ENPP1: variants seen among roughly 807,000 people sequenced by gnomAD.
ENPP1 encodes ectonucleotide pyrophosphatase/phosphodiesterase family member 1.
In ENPP1, 73 loss-of-function variants were observed where a neutral mutation model predicts 122.8. The ratio of observed to expected loss-of-function variants is 0.59; its 90% CI spans 0.49 to 0.72. The LOEUF (loss-of-function observed/expected upper bound fraction) is 0.72, where lower values mean the gene tolerates loss of function less well. Ranked by LOEUF, ENPP1 falls within the 30% of genes least tolerant of loss-of-function variation. The pLI is 0.00. For missense variants in ENPP1, 978 were observed against 1,128.1 expected (o/e 0.87, Z 1.91); for synonymous variants, 367 against 391.6 (o/e 0.94, Z 0.74).
At chr6:131,861,740 T>C in intron 9 of ENPP1, 36 bp downstream of exon 9, 1 of 1,110,804 alleles carries the variant, frequency 9.0e-7, no homozygotes, top group Non-Finnish European at 1.4e-6. Flanking sequence ...ATCTGTAATA[T>C]AGAACAGCTT....
chr6:131,874,440 A>G, intron 16 of ENPP1, 103 bp downstream of exon 16: 1 of 711,222 alleles, frequency 1.4e-6, no homozygotes, highest in African/African-American at 1.9e-5. Flanking sequence ...TTGAATGAGA[A>G]TTAATGGAAC....
chr6:131,818,595 C>A (rs1312353562), intron 1 of ENPP1, among the ~76,000 whole-genome samples: 1 of 151,538 alleles, frequency 6.6e-6, no homozygotes, highest in Non-Finnish European at 1.5e-5. Flanking sequence ...TTGCAGTGAG[C>A]CGAGATCGTG....
intron 7 of ENPP1, among the ~76,000 whole-genome samples, chr6:131,859,519 G>A (rs1199683311): frequency 1.3e-5 from 2 of 151,888 alleles, no homozygotes; most frequent in African/African-American, 2.4e-5. Context: ...CCAAGTAGCT[G>A]GGACTACAGG....
intron 13 of ENPP1, 140 bp from the exon 14 acceptor site, chr6:131,871,930 A>G (rs1782167166): frequency 1.4e-6 from 1 of 694,994 alleles, no homozygotes. Context: ...AGTGGCTACA[A>G]TGTAATGACT....
chr6:131,873,160 T>C, intron 15 of ENPP1, 110 bp downstream of exon 15: 2 of 1,221,104 alleles, frequency 1.6e-6, no homozygotes, highest in Admixed American at 3.4e-5. Flanking sequence ...ATAAGTATGA[T>C]TCTCTTCACT....
intron 24 of ENPP1, among the ~76,000 whole-genome samples, chr6:131,889,700 CTTAAG>C (rs755354620): frequency 6.6e-6 from 1 of 152,110 alleles, no homozygotes; most frequent in African/African-American, 2.4e-5. Context: ...TTGTTGGGCA[CTTAAG>C]TTGATTCCAT....
chr6:131,845,151 G>C (rs562221002), intron 1 of ENPP1, among the ~76,000 whole-genome samples: 1 of 126,936 alleles, frequency 7.9e-6, no homozygotes, highest in Non-Finnish European at 1.6e-5. Context: ...CTCTGCCTCA[G>C]CCTCCCAAGT....
Position 131,852,222 on chromosome 6 carries a change from C to A in ENPP1, c.604C>A (p.Gln202Lys). 1 of 1,602,180 alleles carries A rather than the reference C, an allele frequency of 6.2e-7. No homozygotes were observed. The highest frequency in any genetic ancestry group is 1.1e-5 in the South Asian group (1 of 90,916). Residue 202 changes from glutamine (Q) to lysine (K), a missense_variant, in exon 5 of 25, where the codon CAG becomes AAG. Physicochemically the swap from Gln to Lys is moderately conservative, Grantham distance 53. Coordinates refer to ENST00000647893, the MANE Select transcript of ENPP1 (RefSeq NM_006208.3). ...EEPCESINEP[Q>K]CPAGFETPPT... ...ACCATGTGAGAGCATTAATGAGCCA[C>A]AGTGCCCAGCAGGGTAAGATTATAT...
chr6:131,819,964 T>A, intron 1 of ENPP1: 1 of 551,124 alleles, frequency 1.8e-6, no homozygotes, highest in Non-Finnish European at 3.4e-6. Context: ...CGCATCTTGC[T>A]GAAGCAGAGT....
chr6:131,838,402 A>C (rs1003327211), intron 1 of ENPP1, among the ~76,000 whole-genome samples: 2 of 152,184 alleles, frequency 1.3e-5, no homozygotes, highest in East Asian at 3.8e-4. Context: ...AGAATCTAAA[A>C]GATGTACTTT....
chr6:131,847,870 TG>T (rs767080019), intron 2 of ENPP1, 22 bp downstream of exon 2: 2 of 1,422,742 alleles, frequency 1.4e-6, no homozygotes, highest in Non-Finnish European at 2.0e-6. Context: ...TGTGTGTGTG[TG>T]TGTGTGTGTG....
intron 1 of ENPP1, among the ~76,000 whole-genome samples, chr6:131,836,608 A>G (rs1191947232): frequency 6.6e-6 from 1 of 152,196 alleles, no homozygotes; most frequent in Non-Finnish European, 1.5e-5. Flanking sequence ...TTTTAAATGC[A>G]CGAGATTCAT....
chr6:131,867,909 T>C, intron 11 of ENPP1, 109 bp from the exon 12 acceptor site: 1 of 789,366 alleles, frequency 1.3e-6, no homozygotes, highest in Admixed American at 2.1e-5. Context: ...CTGTCTTTCT[T>C]TCTTTCTTTG....
intron 1 of ENPP1, among the ~76,000 whole-genome samples, chr6:131,841,054 G>A (rs926977824): frequency 1.9e-4 from 29 of 152,262 alleles, no homozygotes; most frequent in Admixed American, 9.2e-4. Flanking sequence ...TAAATCTAGC[G>A]TAACTAAAAT....
chr6:131,869,075 G>A (rs1222070530), intron 12 of ENPP1, among the ~76,000 whole-genome samples: 3 of 151,970 alleles, frequency 2.0e-5, no homozygotes, highest in African/African-American at 4.8e-5. Flanking sequence ...TTTCACATTC[G>A]GTCTAAAAAT....
intron 1 of ENPP1, among the ~76,000 whole-genome samples, chr6:131,831,297 G>C (rs929657364): frequency 6.6e-6 from 1 of 152,012 alleles, no homozygotes; most frequent in African/African-American, 2.4e-5. Context: ...TGTGAAGCTT[G>C]TGCAGAGTTC....
At chr6:131,862,773 G>A (rs1373967588) in intron 9 of ENPP1, among the ~76,000 whole-genome samples, 1 of 152,214 alleles carries the variant, frequency 6.6e-6, no homozygotes, top group Non-Finnish European at 1.5e-5. Context: ...ATTCCCAGGA[G>A]CAATTTGGGG....
At chr6:131,866,469 CT>C (rs773704563) in intron 11 of ENPP1, among the ~76,000 whole-genome samples, 42 of 152,178 alleles carry the variant, frequency 2.8e-4, no homozygotes, top group Non-Finnish European at 5.3e-4. Flanking sequence ...CCTTATTTTT[CT>C]CACTTGAATT....
chr6:131,851,365 T>C, intron 4 of ENPP1, 98 bp downstream of exon 4: 1 of 1,477,444 alleles, frequency 6.8e-7, no homozygotes, highest in Non-Finnish European at 9.4e-7. Context: ...GTCATGGCTA[T>C]TGGCCAACTA....
Sources: gnomAD v4.1 joint callset for allele counts (sites outside exome capture counted in the v4.1 genomes callset) on GRCh38, gnomAD v4.1.1 for gene constraint, MANE v1.5 for transcripts, NCBI Gene and HGNC (gene_info 2026-07-23, HGNC 2026-07-21) for gene names.